Variants in SEC16A observed in about 807,000 individuals in gnomAD.
SEC16A encodes the protein SEC16 homolog A, endoplasmic reticulum export factor.
A neutral mutation model predicts 221.9 loss-of-function variants in SEC16A; 110 were observed. That is an observed-to-expected ratio of 0.50 (90% CI 0.42 to 0.58). SEC16A has a LOEUF of 0.58. SEC16A is among the 20% of genes least tolerant of loss of function. The pLI, the probability that SEC16A is intolerant of heterozygous loss-of-function variation, is 0.00. For missense variants in SEC16A, 3,165 were observed against 3,097.8 expected, an observed-to-expected ratio of 1.02 and a Z score of -0.52; for synonymous variants, 1,393 against 1,257.7, an observed-to-expected ratio of 1.11 and a Z score of -2.28.
chr9:136,470,614 C>G (rs899324287), intron 4 of SEC16A, among the ~76,000 whole-genome samples: 1 of 152,226 alleles, frequency 6.6e-6, no homozygotes, highest in Non-Finnish European at 1.5e-5. Context: ...TGAAGCCTCA[C>G]AGTGCCGCCT....
At chr9:136,451,527 T>C in intron 22 of SEC16A, 119 bp from the exon 23 acceptor site, 3 of 1,199,808 alleles carry the variant, frequency 2.5e-6, no homozygotes, top group Non-Finnish European at 3.4e-6. Flanking sequence ...GCCGGATGAC[T>C]CTGGTGACCA....
Position 136,474,830 on chromosome 9 carries a change from G to A in SEC16A, c.2786C>T (p.Pro929Leu), listed in dbSNP as rs117160782. ...NQPANLLVQP[P>L]SQPVPENLVP... is the part of the protein sequence containing the mutation. ...CAAGTTCTCTGGAACTGGCTGGGAT[G>A]GTGGTTGAACCAGCAAATTAGCAGG... Residue 929 changes from proline to leucine, a missense_variant, in exon 3 of 32, where the codon CCA (proline) becomes CTA (leucine). Physicochemically the swap from Pro to Leu is moderately conservative, Grantham distance 98. Transcript: ENST00000684901. 2.9e-4 allele frequency: 472 copies of A among 1,613,952 alleles called. 7 individuals are homozygous for A. In the East Asian group the frequency reaches 0.01, roughly 35 times the overall value.
Position 136,455,766 on chromosome 9 carries a change from C to T in SEC16A, c.5692G>A (p.Gly1898Arg), listed in dbSNP as rs368479046. Residue 1898 changes from glycine (G) to arginine (R), a missense_variant, in exon 20 of 32, where the codon GGA (glycine) becomes AGA (arginine). Transcript: ENST00000684901. ...KEGAGVWHQD[G>R]ALPQQCPGTP... is the part of the protein sequence containing the mutation. ...CCAGGACACTGCTGCGGGAGGGCTCCATCCTGATGCCATACTCCAGCCCCC... is the reference window on the plus strand; with the variant it reads ...CCAGGACACTGCTGCGGGAGGGCTCTATCCTGATGCCATACTCCAGCCCCC... The T allele has an allele frequency of 1.7e-5, 28 of 1,600,694 alleles. No homozygotes were observed. In the African/African-American group the frequency reaches 3.6e-4, roughly 21 times the overall value.
At chr9:136,451,180 G>A (rs1363157811) in intron 23 of SEC16A, 76 bp downstream of exon 23, 3 of 1,473,282 alleles carry the variant, frequency 2.0e-6, no homozygotes, top group Admixed American at 4.0e-5. Context: ...TGAATTAAGA[G>A]GATGGCGCTC....
rs1438703759 is a variant in SEC16A, at chr9:136,447,232, G to A, written c.6692C>T (p.Thr2231Ile). 2 of 1,593,556 alleles carry A rather than the reference G, an allele frequency of 1.3e-6. 1 individual carries two copies. The highest frequency in any genetic ancestry group is 3.5e-5 in the Admixed American group (2 of 56,594). ...LPIPSNLFVP[T>I]PDAEEPQLPD... ...CTGGTGCTCGTGCTACCTACCTGGG[G>A]TTGGCACGAACAAGTTAGAAGGAAT... is the stretch of plus-strand genomic sequence containing the variant. The change falls in exon 27 of 32, where the codon ACC becomes ATC. Residue 2231 changes from threonine to isoleucine, a missense_variant. By Grantham distance (89) the Thr-to-Ile change is moderately conservative. Coordinates refer to ENST00000684901, the MANE Select transcript of SEC16A (RefSeq NM_014866.2). The surrounding 1 kb of genome is among the most constrained non-coding windows in gnomAD (Gnocchi z 5.5).
chr9:136,483,908 G>A, upstream of SEC16A: 3 of 628,270 alleles, frequency 4.8e-6, no homozygotes, highest in Non-Finnish European at 6.0e-6. Context: ...GAGCGGCGCC[G>A]GAAGTTGGTC....
chr9:136,454,112 G>A lies in SEC16A; in HGVS notation c.6073C>T (p.Pro2025Ser), dbSNP rs1344748257. ...GACAGCATCTCTGCAGCCCCACCTG[G>A]GTCTGGGCTCCTGGCTTCCTGGAGC... is the stretch of plus-strand genomic sequence containing the variant. ...HLLQEARSPD[P>S]GIVPQEAPVG... The change falls in exon 21 of 32, where the codon CCA (proline) becomes TCA (serine). Residue 2025 changes from proline (P) to serine (S), a missense_variant. Pro to Ser is a moderately conservative substitution (Grantham distance 74). Around this residue, in one of 3 missense-constraint regions of SEC16A, gnomAD observed 1,088 missense variants for 1,089.6 expected, o/e 1.00. Coordinates refer to ENST00000684901, the MANE Select transcript of SEC16A (RefSeq NM_014866.2). 6 of 1,550,396 alleles carry A rather than the reference G, an allele frequency of 3.9e-6. No homozygotes were observed. The highest frequency in any genetic ancestry group is 3.5e-6 in the Non-Finnish European group (4 of 1,147,078).
chr9:136,445,262 A>G (rs1156913901), intron 29 of SEC16A, among the ~76,000 whole-genome samples, 151 bp from the exon 30 acceptor site: 1 of 152,242 alleles, frequency 6.6e-6, no homozygotes, highest in African/African-American at 2.4e-5. Flanking sequence ...GTGTTAGCTT[A>G]AGATTCCTGT....
rs554080837 is a variant in SEC16A, at chr9:136,452,444, C to T, written c.6159+984G>A. ...CAGGCTGGGCGACAGAGAGAAACTCCATCTCAAAAAAAAAAAAAAAAAAAA... is the reference window on the plus strand; with the variant it reads ...CAGGCTGGGCGACAGAGAGAAACTCTATCTCAAAAAAAAAAAAAAAAAAAA... On this transcript the variant is annotated intron_variant, in intron 22 of 31. Transcript: ENST00000684901. Among the ~76,000 whole-genome samples the T allele has an allele frequency of 3.9e-4, 19 of 49,286 alleles. No homozygotes were observed. The South Asian group carries it at 0.011, about 29-fold the overall frequency. 32.3% of individuals were successfully genotyped at this position (49,286 alleles called of 152,430 possible).
rs780218781 is a variant in SEC16A, at chr9:136,474,187, T to C, written c.3429A>G (p.Pro1143=). 4.3e-6 allele frequency: 7 copies of C among 1,612,588 alleles called. No homozygotes were observed. The East Asian group carries it at 1.6e-4, about 36-fold the overall frequency. The part of the protein sequence containing the change: ...AVPSEQPWPQ[P]VPALAPGPPP... ...GTGGGCCGGGGGCAAGTGCAGGCACTGGCTGTGGCCACGGCTGCTCTGACG... is the reference window on the plus strand; with the variant it reads ...GTGGGCCGGGGGCAAGTGCAGGCACCGGCTGTGGCCACGGCTGCTCTGACG... The change falls in exon 3 of 32, where the codon CCA becomes CCG. Residue 1143 remains proline, a synonymous_variant. Coordinates refer to ENST00000684901, the MANE Select transcript of SEC16A (RefSeq NM_014866.2).
upstream of SEC16A, chr9:136,483,357 C>A (rs1842661728): frequency 4.3e-6 from 2 of 464,050 alleles, no homozygotes; most frequent in Non-Finnish European, 5.6e-6. Context: ...TCCGTCGTTC[C>A]TCGCCTCATT....
chr9:136,441,813 G>A lies in SEC16A; in HGVS notation c.7016C>T (p.Thr2339Ile). 1.9e-6 allele frequency: 3 copies of A among 1,613,040 alleles called. No homozygotes were observed. The highest frequency in any genetic ancestry group is 2.5e-6 in the Non-Finnish European group (3 of 1,179,758). ...CCTCCCTAGCCTTGAGCTCCCGGAG[G>A]TGGCGCAGGCCTGGAATGAAATCAA... is the stretch of plus-strand genomic sequence containing the variant. ...NPAQLAQACA[T>I]SGSSRLGRIG... The change falls in exon 32 of 32, where the codon ACC becomes ATC. Residue 2339 changes from threonine (T) to isoleucine (I), a missense_variant. This residue lies in a region of SEC16A where 1,088 missense variants were observed against 1,089.6 expected (regional missense o/e 1.00). Transcript: ENST00000684901.
intron 1 of SEC16A, among the ~76,000 whole-genome samples, chr9:136,481,122 T>TTTTA (rs1466181154): frequency 6.9e-6 from 1 of 145,566 alleles, no homozygotes; most frequent in Non-Finnish European, 1.5e-5. Flanking sequence ...CTACAGGGAA[T>TTTTA]TTTATTCTTT....
chr9:136,471,209 G>C (rs1840814785), intron 4 of SEC16A, among the ~76,000 whole-genome samples: 2 of 151,934 alleles, frequency 1.3e-5, no homozygotes, highest in South Asian at 4.2e-4. Context: ...GCTAATGCCT[G>C]TAATCCTAGC....
chr9:136,452,007 G>A (rs1386408223), intron 22 of SEC16A, among the ~76,000 whole-genome samples: 1 of 152,168 alleles, frequency 6.6e-6, no homozygotes, highest in Non-Finnish European at 1.5e-5. Context: ...TAGGAGTAGA[G>A]CAAACAGAGG....
At chr9:136,469,391 C>T (rs1306194122) in intron 4 of SEC16A, among the ~76,000 whole-genome samples, 1 of 152,214 alleles carries the variant, frequency 6.6e-6, no homozygotes, top group East Asian at 1.9e-4. Context: ...TCCTGACTCT[C>T]ACTACAGGAG....
intron 2 of SEC16A, among the ~76,000 whole-genome samples, chr9:136,477,987 G>T (rs888459426): frequency 6.6e-6 from 1 of 152,120 alleles, no homozygotes; most frequent in Non-Finnish European, 1.5e-5. Context: ...CCGCAGACCC[G>T]CGCCACAACA....
At chr9:136,453,548 C>G (rs374169761) in intron 21 of SEC16A, 38 bp from the exon 22 acceptor site, 4 of 1,549,576 alleles carry the variant, frequency 2.6e-6, no homozygotes, top group Non-Finnish European at 1.8e-6. Flanking sequence ...ATCTCAGTCA[C>G]GAGAAGGCGG....
At chr9:136,480,545 C>T (rs1368706642) in intron 1 of SEC16A, among the ~76,000 whole-genome samples, 1 of 152,156 alleles carries the variant, frequency 6.6e-6, no homozygotes, top group Non-Finnish European at 1.5e-5. Context: ...CGGGTTTAAT[C>T]TTATGAGATT....
Sources: allele counts gnomAD v4.1 joint callset (sites outside exome capture counted in the v4.1 genomes callset), GRCh38; gene constraint gnomAD v4.1.1; regional missense constraint gnomAD v4.1.1; non-coding constraint Gnocchi (gnomAD v3.1); transcripts MANE v1.5; gene names NCBI Gene and HGNC (gene_info 2026-07-23, HGNC 2026-07-21).